The following DHRSX variants were observed in gnomAD, a reference collection of about 807,000 sequenced individuals.
The protein encoded by DHRSX is dehydrogenase/reductase X-linked.
A neutral mutation model predicts 34.0 loss-of-function variants in DHRSX; 31 were observed. The observed-to-expected ratio is 0.91, with a 90% CI of 0.69 to 1.23. The LOEUF (loss-of-function observed/expected upper bound fraction) is 1.23, where lower values mean the gene tolerates loss of function less well. DHRSX is among the 50% of genes most tolerant of loss of function. The pLI is 0.00. For missense variants in DHRSX, 414 were observed against 428.1 expected (o/e 0.97, Z 0.29); for synonymous variants, 201 against 183.8 (o/e 1.09, Z -0.76).
At position 2,230,203 on chromosome X, in the gene DHRSX, A is replaced by G. The variant is rs756333656; in HGVS notation, c.805-8974T>C. Among the ~76,000 whole-genome samples the G allele has an allele frequency of 2.8e-3, 364 of 132,306 alleles. 2 individuals are homozygous for G. Among genetic ancestry groups the G allele is most frequent in the Non-Finnish European group, 4.7e-3 (296 of 62,860 alleles). The allele number at this position is 132,306 out of a possible 152,430, so 86.8% of individuals were successfully genotyped here. A position where few individuals can be genotyped will look rare whatever the true frequency, so the allele number is the denominator to read the frequency against. On this transcript the variant is annotated intron_variant, in intron 6 of 6. Coordinates refer to ENST00000334651, the MANE Select transcript of DHRSX (RefSeq NM_145177.3). ...CATGTGTTTGCATCTATATGTGTGT[A>G]TTTGTACATGTGTGCATGTATGTGT...
chrX:2,245,005 C>G (rs1161220001), intron 5 of DHRSX, among the ~76,000 whole-genome samples: 1 of 152,052 alleles, frequency 6.6e-6, no homozygotes, highest in South Asian at 2.1e-4. Context: ...CCACTGTGCC[C>G]GGCCTAATTT....
chrX:2,228,953 G>T (rs767204431), intron 6 of DHRSX, among the ~76,000 whole-genome samples: 97 of 152,280 alleles, frequency 6.4e-4, no homozygotes, highest in African/African-American at 2.3e-3. Context: ...ACGCTCCACT[G>T]CCAGGAGCAG....
At chrX:2,451,162 G>T (rs1305922332) in intron 1 of DHRSX, among the ~76,000 whole-genome samples, 1 of 151,788 alleles carries the variant, frequency 6.6e-6, no homozygotes, top group Non-Finnish European at 1.5e-5. Flanking sequence ...GAACCCGGGA[G>T]GCGGAGGGTG....
intron 1 of DHRSX, among the ~76,000 whole-genome samples, chrX:2,458,780 A>T (rs1311261858): frequency 1.3e-5 from 2 of 152,018 alleles, no homozygotes; most frequent in Non-Finnish European, 2.9e-5. Flanking sequence ...GGAGGATCAC[A>T]GAAGGCCAGG....
At chrX:2,416,659 TTAGA>T (rs1269115400) in intron 2 of DHRSX, among the ~76,000 whole-genome samples, 6 of 152,116 alleles carry the variant, frequency 3.9e-5, no homozygotes, top group Non-Finnish European at 8.8e-5. Context: ...CACTTTCATC[TTAGA>T]TGACAGTCCA....
chrX:2,253,500 C>A (rs1343125297), intron 5 of DHRSX, among the ~76,000 whole-genome samples: 1 of 148,172 alleles, frequency 6.7e-6, no homozygotes, highest in Non-Finnish European at 1.5e-5. Flanking sequence ...CCACCACACT[C>A]CAGCCTGGGA....
chrX:2,323,508 A>G (rs1207839194), intron 3 of DHRSX, among the ~76,000 whole-genome samples: 1 of 152,144 alleles, frequency 6.6e-6, no homozygotes, highest in African/African-American at 2.4e-5. Context: ...CACGCCTGTA[A>G]TCCCAGCACT....
chrX:2,357,857 A>G (rs1301195241), intron 3 of DHRSX, among the ~76,000 whole-genome samples: 1 of 152,146 alleles, frequency 6.6e-6, no homozygotes, highest in East Asian at 1.9e-4. Flanking sequence ...TCACCTACAT[A>G]ACGGTGGTTA....
chrX:2,407,466 A>G (rs1569497891), intron 3 of DHRSX, among the ~76,000 whole-genome samples: 2 of 152,146 alleles, frequency 1.3e-5, no homozygotes, highest in Non-Finnish European at 2.9e-5. Flanking sequence ...AGAGGGAGAG[A>G]GTAGTTCTGT....
chrX:2,253,915 G>A (rs1469088968), intron 5 of DHRSX, among the ~76,000 whole-genome samples: 4 of 152,110 alleles, frequency 2.6e-5, no homozygotes, highest in Non-Finnish European at 5.9e-5. Flanking sequence ...AAAAAAATTA[G>A]CCGGGTGTGG....
chrX:2,310,544 A>ATGTG (rs1385229424), intron 3 of DHRSX, among the ~76,000 whole-genome samples: 13 of 149,744 alleles, frequency 8.7e-5, no homozygotes, highest in Non-Finnish European at 5.9e-5. Flanking sequence ...GTGTGTGTAT[A>ATGTG]TGTGTGTGTG....
intron 1 of DHRSX, among the ~76,000 whole-genome samples, chrX:2,473,361 C>T (rs776692024): frequency 6.6e-6 from 1 of 152,282 alleles, no homozygotes; most frequent in East Asian, 1.9e-4. Context: ...CGGGGGCTCA[C>T]GCCTGTCATC....
At chrX:2,459,389 T>A (rs987771580) in intron 1 of DHRSX, among the ~76,000 whole-genome samples, 11 of 151,704 alleles carry the variant, frequency 7.3e-5, no homozygotes, top group African/African-American at 2.7e-4. Flanking sequence ...ATATGTTAAT[T>A]AGGTCAATGG....
At chrX:2,429,467 A>G (rs1396527216) in intron 1 of DHRSX, among the ~76,000 whole-genome samples, 1 of 134,878 alleles carries the variant, frequency 7.4e-6, no homozygotes, top group Non-Finnish European at 1.6e-5. Flanking sequence ...TTTTTTTTTG[A>G]GCTGGGGTCT....
intron 4 of DHRSX, among the ~76,000 whole-genome samples, chrX:2,269,190 T>A (rs2041515698): frequency 6.6e-6 from 1 of 152,286 alleles, no homozygotes; most frequent in African/African-American, 2.4e-5. Flanking sequence ...TTTGTATATG[T>A]ATATCTGCAT....
chrX:2,268,284 A>G (rs2041501757), intron 4 of DHRSX, among the ~76,000 whole-genome samples: 1 of 152,230 alleles, frequency 6.6e-6, no homozygotes, highest in Non-Finnish European at 1.5e-5. Flanking sequence ...CCTTGTACTT[A>G]GAGCAGACCA....
At chrX:2,443,322 C>G (rs769302238) in intron 1 of DHRSX, among the ~76,000 whole-genome samples, 1 of 151,982 alleles carries the variant, frequency 6.6e-6, no homozygotes, top group Non-Finnish European at 1.5e-5. Context: ...CACCAGCCAC[C>G]GTGGCTGGCC....
chrX:2,260,667 G>C (rs1262246745), intron 5 of DHRSX, among the ~76,000 whole-genome samples: 1 of 151,800 alleles, frequency 6.6e-6, no homozygotes, highest in Non-Finnish European at 1.5e-5. Flanking sequence ...CATCATATTG[G>C]TCAGGCTGGT....
At chrX:2,306,019 C>T (rs868158596) in intron 3 of DHRSX, among the ~76,000 whole-genome samples, 1 of 151,606 alleles carries the variant, frequency 6.6e-6, no homozygotes, top group East Asian at 1.9e-4. Flanking sequence ...TCATGCTGGG[C>T]TTTAATACTT....
Sources: allele counts gnomAD v4.1 joint callset (sites outside exome capture counted in the v4.1 genomes callset), GRCh38; gene constraint gnomAD v4.1.1; transcripts MANE v1.5; gene names NCBI Gene and HGNC (gene_info 2026-07-23, HGNC 2026-07-21).